Variants in EYS observed in about 807,000 individuals in gnomAD.
The protein encoded by EYS is protein eyes shut homolog.
A neutral mutation model predicts 282.1 loss-of-function variants in EYS; 250 were observed. The ratio of observed to expected loss-of-function variants is 0.89; its 90% CI spans 0.80 to 0.98. The LOEUF (loss-of-function observed/expected upper bound fraction) is 0.98, where lower values mean the gene tolerates loss of function less well. Among genes scored for constraint, EYS ranks in the 50% least tolerant of loss-of-function variants. EYS has a pLI of 0.00. For missense variants in EYS, 4,016 were observed against 3,709.0 expected (o/e 1.08, Z -2.15); for synonymous variants, 1,355 against 1,282.9 (o/e 1.06, Z -1.20).
At chr6:65,655,082 C>G (rs182645156) in intron 1 of EYS, among the ~76,000 whole-genome samples, 28 of 149,104 alleles carry the variant, frequency 1.9e-4, no homozygotes, top group Non-Finnish European at 1.5e-5. Context: ...TTTGTAGTAA[C>G]TCAATGCATT....
At chr6:65,373,240 T>C (rs1765231012) in intron 8 of EYS, among the ~76,000 whole-genome samples, 1 of 152,284 alleles carries the variant, frequency 6.6e-6, no homozygotes, top group Admixed American at 6.5e-5. Flanking sequence ...TCCCTGTCTG[T>C]TTCAATTTAT....
chr6:64,629,299 G>T (rs1361403214), intron 22 of EYS, among the ~76,000 whole-genome samples: 1 of 152,078 alleles, frequency 6.6e-6, no homozygotes, highest in Admixed American at 6.6e-5. Context: ...TCTTTAGAGG[G>T]AAGTTGCTTT....
intron 31 of EYS, among the ~76,000 whole-genome samples, chr6:64,099,166 A>G (rs1400053254): frequency 6.6e-6 from 1 of 152,172 alleles, no homozygotes; most frequent in African/African-American, 2.4e-5. Context: ...TTCAAAATAC[A>G]GTCATAGTAA....
chr6:63,833,288 C>T (rs1582256844), intron 36 of EYS, among the ~76,000 whole-genome samples: 1 of 152,144 alleles, frequency 6.6e-6, no homozygotes, highest in East Asian at 1.9e-4. Flanking sequence ...TGCCTGTTTG[C>T]AGATGACATG....
At chr6:64,492,861 A>C (rs1446920391) in intron 26 of EYS, among the ~76,000 whole-genome samples, 1 of 151,360 alleles carries the variant, frequency 6.6e-6, no homozygotes, top group East Asian at 1.9e-4. Flanking sequence ...TGAATGTTTC[A>C]GTCAGTGCCT....
chr6:64,255,929 A>G (rs1767384652), intron 30 of EYS, among the ~76,000 whole-genome samples: 1 of 151,870 alleles, frequency 6.6e-6, no homozygotes, highest in Non-Finnish European at 1.5e-5. Flanking sequence ...TCACATAGTT[A>G]AAAAAAAGTT....
intron 10 of EYS, among the ~76,000 whole-genome samples, chr6:65,338,529 C>G (rs1230816137): frequency 6.6e-6 from 1 of 150,962 alleles, no homozygotes; most frequent in Non-Finnish European, 1.5e-5. Flanking sequence ...GTCGGCAACC[C>G]TAACTCCTGT....
At chr6:65,378,900 T>C (rs1453775603) in intron 8 of EYS, among the ~76,000 whole-genome samples, 3 of 151,710 alleles carry the variant, frequency 2.0e-5, no homozygotes. Flanking sequence ...GGGGGACTAG[T>C]GGAGGGATAA....
chr6:65,245,374 A>T (rs115358718), intron 12 of EYS, among the ~76,000 whole-genome samples: 83 of 152,324 alleles, frequency 5.4e-4, no homozygotes, highest in African/African-American at 1.9e-3. Context: ...CTATGCTTCA[A>T]AAAATAGCAC....
chr6:65,601,680 G>A (rs1765622241), intron 2 of EYS, among the ~76,000 whole-genome samples: 5 of 152,026 alleles, frequency 3.3e-5, no homozygotes, highest in African/African-American at 1.2e-4. Flanking sequence ...AGAACTGCTT[G>A]TTAATTTTTC....
intron 31 of EYS, among the ~76,000 whole-genome samples, chr6:64,135,883 G>A (rs1389797181): frequency 6.6e-6 from 1 of 152,022 alleles, no homozygotes; most frequent in African/African-American, 2.4e-5. Flanking sequence ...GGTAGTTTCT[G>A]AAGATTGGGA....
intron 36 of EYS, among the ~76,000 whole-genome samples, chr6:63,812,975 T>A (rs1030975154): frequency 3.9e-5 from 6 of 152,094 alleles, no homozygotes; most frequent in African/African-American, 1.2e-4. Flanking sequence ...ACAAATCAGT[T>A]TATTTTTTAT....
At chr6:64,290,640 C>A (rs1768670267) in intron 30 of EYS, among the ~76,000 whole-genome samples, 1 of 151,782 alleles carries the variant, frequency 6.6e-6, no homozygotes. Flanking sequence ...CCTTTGATGC[C>A]ATTCTTGGTG....
At chr6:64,055,321 A>G (rs761344827) in intron 33 of EYS, among the ~76,000 whole-genome samples, 1 of 152,194 alleles carries the variant, frequency 6.6e-6, no homozygotes, top group Admixed American at 6.6e-5. Context: ...GTGAAAAACC[A>G]TAACAATAAT....
At chr6:65,274,826 G>A (rs1333924437) in intron 12 of EYS, among the ~76,000 whole-genome samples, 3 of 151,854 alleles carry the variant, frequency 2.0e-5, no homozygotes, top group African/African-American at 7.3e-5. Context: ...ACATTTCTAG[G>A]GGTCCATAGG....
chr6:63,736,196 C>T (rs1245210567), intron 41 of EYS, among the ~76,000 whole-genome samples: 1 of 152,110 alleles, frequency 6.6e-6, no homozygotes, highest in Non-Finnish European at 1.5e-5. Flanking sequence ...CTAGGTTTTT[C>T]TTCTAGGGTT....
intron 26 of EYS, among the ~76,000 whole-genome samples, chr6:64,518,795 G>A (rs1320954036): frequency 7.1e-6 from 1 of 140,280 alleles, no homozygotes; most frequent in African/African-American, 2.5e-5. Context: ...CCCCTTCTCA[G>A]GGAACTCATT....
intron 12 of EYS, among the ~76,000 whole-genome samples, chr6:65,072,380 AGAG>A (rs1242780104): frequency 7.0e-6 from 1 of 143,302 alleles, no homozygotes; most frequent in Non-Finnish European, 1.5e-5. Context: ...AACAAAAACA[AGAG>A]AAGAGACAGA....
At chr6:64,980,782 A>G (rs1770635046) in intron 14 of EYS, among the ~76,000 whole-genome samples, 1 of 151,398 alleles carries the variant, frequency 6.6e-6, no homozygotes, top group Admixed American at 6.6e-5. Context: ...ACCAGGCCTA[A>G]GACTTTAATA....
Sources: gnomAD v4.1 joint callset for allele counts (sites outside exome capture counted in the v4.1 genomes callset) on GRCh38, gnomAD v4.1.1 for gene constraint, MANE v1.5 for transcripts, NCBI Gene and HGNC (gene_info 2026-07-23, HGNC 2026-07-21) for gene names.